UGGT2: variants seen among roughly 807,000 people sequenced by gnomAD.
The protein encoded by UGGT2 is UDP-glucose:glycoprotein glucosyltransferase 2.
In UGGT2, 180 loss-of-function variants were observed where a neutral mutation model predicts 192.1. That is an observed-to-expected ratio of 0.94 (90% confidence interval 0.83 to 1.06). UGGT2 has a LOEUF of 1.06. Among genes scored for constraint, UGGT2 ranks in the 50% least tolerant of loss-of-function variants. UGGT2 has a pLI of 0.00. For synonymous variants in UGGT2, 580 were observed against 591.0 expected, an observed-to-expected ratio of 0.98 and a Z score of 0.27; for missense variants, 1,849 against 1,795.7, an observed-to-expected ratio of 1.03 and a Z score of -0.54.
At chr13:96,039,773 A>C (rs926440436) in intron 1 of UGGT2, among the ~76,000 whole-genome samples, 2 of 152,352 alleles carry the variant, frequency 1.3e-5, no homozygotes, top group East Asian at 1.9e-4. Flanking sequence ...TGTTTTCCAC[A>C]AACTGTAGAA....
In UGGT2 at chr13:95,860,768, A is replaced by T; in HGVS notation, c.3740+20T>A. The T allele has an allele frequency of 7.2e-7, 1 of 1,386,590 alleles. No individual in the cohort carries two copies. Among genetic ancestry groups the T allele is most frequent in the Non-Finnish European group, 9.6e-7 (1 of 1,038,786 alleles). 85.9% of individuals were successfully genotyped at this position (1,386,590 alleles called of 1,614,324 possible). A position where few individuals can be genotyped will look rare whatever the true frequency, so the allele number is the denominator to read the frequency against. ...GTAAATATTTCTTTTTCAAAATATA[A>T]GGTTAAAAAATATACCTACCTTAAA... On this transcript the variant is annotated intron_variant, in intron 32 of 38. Coordinates refer to ENST00000376747, the MANE Select transcript of UGGT2 (RefSeq NM_020121.4).
intron 36 of UGGT2, among the ~76,000 whole-genome samples, chr13:95,840,186 T>C (rs1887713283): frequency 6.6e-6 from 1 of 151,960 alleles, no homozygotes; most frequent in African/African-American, 2.4e-5. Context: ...AAAGCCAAAA[T>C]TGACAAATGG....
At chr13:95,901,045 A>G (rs1379787915) in intron 21 of UGGT2, 107 bp from the exon 22 acceptor site, 5 of 810,214 alleles carry the variant, frequency 6.2e-6, no homozygotes, top group Non-Finnish European at 8.2e-6. Context: ...TAATACTTTC[A>G]AAATCATTAT....
chr13:96,050,229 A>C (rs1034487988), intron 1 of UGGT2, among the ~76,000 whole-genome samples: 56 of 152,344 alleles, frequency 3.7e-4, no homozygotes, highest in African/African-American at 1.3e-3. Context: ...AGAAATGGGG[A>C]AAGGATTCCC....
At chr13:95,971,005 G>A (rs547477573) in intron 11 of UGGT2, among the ~76,000 whole-genome samples, 4 of 152,266 alleles carry the variant, frequency 2.6e-5, no homozygotes, top group Non-Finnish European at 5.9e-5. Context: ...CAGTCTCCCT[G>A]GGGGTGAGAT....
chr13:95,967,294 A>T (rs1318611698), intron 12 of UGGT2, among the ~76,000 whole-genome samples: 2 of 151,858 alleles, frequency 1.3e-5, no homozygotes, highest in Non-Finnish European at 2.9e-5. Context: ...CTGGGACTAC[A>T]GGCACGTACC....
At chr13:96,051,464 AAAGTAT>A (rs2053484120) in intron 1 of UGGT2, among the ~76,000 whole-genome samples, 1 of 152,104 alleles carries the variant, frequency 6.6e-6, no homozygotes, top group African/African-American at 2.4e-5. Flanking sequence ...CCTAGAACTT[AAAGTAT>A]AATAATAAAA....
chr13:95,915,506 TAGAC>T (rs1328598459), intron 20 of UGGT2, among the ~76,000 whole-genome samples: 2 of 152,220 alleles, frequency 1.3e-5, no homozygotes, highest in East Asian at 3.8e-4. Flanking sequence ...CTCAAATACT[TAGAC>T]AGTAAATGAA....
In UGGT2 at chr13:95,884,660, T is replaced by A; in HGVS notation, c.3059A>T (p.Glu1020Val). Residue 1020 changes from glutamate to valine, a missense_variant, in exon 27 of 39, where the codon GAA (glutamate) becomes GTA (valine). Coordinates refer to ENST00000376747, the MANE Select transcript of UGGT2 (RefSeq NM_020121.4). ...PLESFYRFVL[E>V]PELMSGANDV... Reference sequence around the variant, plus strand: ...ATTAGCCCCTGACATCAGTTCTGGTTCCAGAACAAAACGGTAAAAGCTGTT... The same window carrying A: ...ATTAGCCCCTGACATCAGTTCTGGTACCAGAACAAAACGGTAAAAGCTGTT... The A allele has an allele frequency of 1.2e-6, 2 of 1,611,796 alleles. No individual in the cohort carries two copies. Among genetic ancestry groups the A allele is most frequent in the Non-Finnish European group, 1.7e-6 (2 of 1,179,276 alleles).
chr13:95,980,389 TG>T (rs1422774887), intron 10 of UGGT2, among the ~76,000 whole-genome samples: 6 of 151,634 alleles, frequency 4.0e-5, no homozygotes, highest in Non-Finnish European at 1.5e-5. Flanking sequence ...CACTCATATG[TG>T]GGAGCTAAGC....
At chr13:95,995,168 A>G (rs116160861) in intron 7 of UGGT2, among the ~76,000 whole-genome samples, 1,569 of 152,202 alleles carry the variant, frequency 0.01, 28 homozygotes, top group African/African-American at 0.036. Flanking sequence ...AAGAGCTGTT[A>G]TAATTAGTAA....
At chr13:96,000,052 T>C (rs535486062) in intron 5 of UGGT2, among the ~76,000 whole-genome samples, 5 of 152,178 alleles carry the variant, frequency 3.3e-5, no homozygotes, top group Admixed American at 6.5e-5. Flanking sequence ...TGAACACACA[T>C]AATAGTTTTA....
At chr13:95,934,564 A>G (rs1232175807) in intron 17 of UGGT2, among the ~76,000 whole-genome samples, 1 of 152,210 alleles carries the variant, frequency 6.6e-6, no homozygotes, top group Non-Finnish European at 1.5e-5. Flanking sequence ...CCTCACTTAA[A>G]AAGCACAGAG....
At chr13:95,891,783 T>C (rs2047807853) in intron 24 of UGGT2, among the ~76,000 whole-genome samples, 1 of 152,164 alleles carries the variant, frequency 6.6e-6, no homozygotes, top group Admixed American at 6.5e-5. Context: ...CATGTGTAGT[T>C]ACAGGAATAT....
chr13:95,886,008 C>T (rs1202266514), intron 26 of UGGT2, among the ~76,000 whole-genome samples: 1 of 151,994 alleles, frequency 6.6e-6, no homozygotes, highest in African/African-American at 2.4e-5. Flanking sequence ...AATTGAATAA[C>T]TTTAAGGACT....
intron 16 of UGGT2, among the ~76,000 whole-genome samples, chr13:95,939,135 C>T (rs1048608652): frequency 1.3e-5 from 2 of 152,156 alleles, no homozygotes; most frequent in African/African-American, 4.8e-5. Context: ...TCGACTGTAC[C>T]CTATAACACA....
intron 33 of UGGT2, among the ~76,000 whole-genome samples, chr13:95,858,008 T>C (rs1889779600): frequency 6.6e-6 from 1 of 151,560 alleles, no homozygotes; most frequent in South Asian, 2.1e-4. Flanking sequence ...TGTTTTTTTT[T>C]TTTTTTCCTA....
At chr13:95,842,551 TGCAATTCCTTCTCCTGGTCTG>T (rs1887977762) in intron 36 of UGGT2, among the ~76,000 whole-genome samples, 1 of 152,184 alleles carries the variant, frequency 6.6e-6, no homozygotes, top group Non-Finnish European at 1.5e-5. Context: ...CATTCTCTCG[TGCAATTCCTTCTCCTGGTCTG>T]GCTGGATCTA....
intron 20 of UGGT2, among the ~76,000 whole-genome samples, chr13:95,903,584 G>A (rs1033751086): frequency 1.4e-5 from 2 of 147,998 alleles, no homozygotes; most frequent in African/African-American, 4.9e-5. Context: ...ATGGAGTCAT[G>A]CAGTATTATT....
Sources: allele counts gnomAD v4.1 joint callset (sites outside exome capture counted in the v4.1 genomes callset), GRCh38; gene constraint gnomAD v4.1.1; transcripts MANE v1.5; gene names NCBI Gene and HGNC (gene_info 2026-07-23, HGNC 2026-07-21).